Variants in DCAF17 observed in about 807,000 individuals in gnomAD.
DCAF17 encodes the protein DDB1 and CUL4 associated factor 17.
Under a neutral mutation model 66.0 loss-of-function variants are expected in DCAF17, and 48 were observed. The observed-to-expected ratio is 0.73, with a 90% CI of 0.58 to 0.92. The LOEUF is 0.92. Among genes scored for constraint, DCAF17 ranks in the 40% least tolerant of loss-of-function variants. The pLI, the probability that DCAF17 is intolerant of heterozygous loss-of-function variation, is 0.00. For synonymous variants in DCAF17, 206 were observed against 214.6 expected, an observed-to-expected ratio of 0.96 and a Z score of 0.35; for missense variants, 562 against 622.8, an observed-to-expected ratio of 0.90 and a Z score of 1.04.
rs552659232 is a variant in DCAF17, at chr2:171,472,006, C to A, written c.982-1860C>A. ...CTCCAGCCTGTGCAACAGAGTGAGACCCTGTCTCAAAAAATAAAAAATAAA... is the reference window on the plus strand; with the variant it reads ...CTCCAGCCTGTGCAACAGAGTGAGAACCTGTCTCAAAAAATAAAAAATAAA... On this transcript the variant is annotated intron_variant, in intron 9 of 13. Transcript: ENST00000375255. Among the ~76,000 whole-genome samples, 127 of 152,014 alleles carry A rather than the reference C, an allele frequency of 8.4e-4. No individual in the cohort carries two copies. In the Middle Eastern group the frequency reaches 0.02, roughly 24 times the overall value.
chr2:171,463,468 G>A (rs537635799), intron 8 of DCAF17, among the ~76,000 whole-genome samples: 1 of 152,144 alleles, frequency 6.6e-6, no homozygotes, highest in African/African-American at 2.4e-5. Flanking sequence ...TTGATAAATC[G>A]GAAGAGATAC....
At chr2:171,464,779 T>C (rs1042016942) in intron 8 of DCAF17, among the ~76,000 whole-genome samples, 1 of 152,168 alleles carries the variant, frequency 6.6e-6, no homozygotes, top group Non-Finnish European at 1.5e-5. Context: ...AATTTAGCCG[T>C]TCTTTTTTGA....
In DCAF17 at chr2:171,482,293, A is replaced by G. The variant is rs1574412092; in HGVS notation, c.*1179A>G. On this transcript the variant is annotated 3_prime_UTR_variant, in exon 14 of 14. Coordinates refer to ENST00000375255, the MANE Select transcript of DCAF17 (RefSeq NM_025000.4). ...AGGGAAGGAAACAGCAGCAACAATC[A>G]TTGCTGATTCAAGTTTAAGGTTAAA... 4.4e-6 allele frequency: 2 copies of G among 453,852 alleles called. No homozygotes were observed. The highest frequency in any genetic ancestry group is 1.4e-4 in the East Asian group (2 of 14,416). The allele number at this position is 453,852 out of a possible 1,614,324, so 28.1% of individuals were successfully genotyped here.
intron 3 of DCAF17, among the ~76,000 whole-genome samples, chr2:171,445,299 A>G (rs1346295333): frequency 6.6e-6 from 1 of 151,988 alleles, no homozygotes; most frequent in Non-Finnish European, 1.5e-5. Context: ...TAATTTTTGT[A>G]TTTTTAGTAG....
chr2:171,470,027 A>G (rs1696149537), intron 9 of DCAF17, among the ~76,000 whole-genome samples: 2 of 151,522 alleles, frequency 1.3e-5, no homozygotes, highest in South Asian at 2.1e-4. Flanking sequence ...CTTTTATTTT[A>G]TATTTATTTA....
At chr2:171,450,214 T>G (rs1347171761) in intron 5 of DCAF17, 13 of 408,078 alleles carry the variant, frequency 3.2e-5, no homozygotes, top group Non-Finnish European at 6.0e-5. Context: ...TGATACAATT[T>G]ACTCTGGAGA....
At chr2:171,445,170 G>C (rs1694543630) in intron 3 of DCAF17, among the ~76,000 whole-genome samples, 2 of 151,426 alleles carry the variant, frequency 1.3e-5, no homozygotes, top group African/African-American at 2.4e-5. Context: ...TGTTGCCCAG[G>C]CTGCAGTGCA....
In DCAF17 at chr2:171,473,970, A is replaced by G. The variant is rs1364594389; in HGVS notation, c.1086A>G (p.Gln362=). 11 of 1,611,346 alleles carry G rather than the reference A, an allele frequency of 6.8e-6. No homozygotes were observed. The highest frequency in any genetic ancestry group is 1.7e-5 in the Admixed American group (1 of 59,968). Residue 362 remains glutamine, a synonymous_variant, in exon 10 of 14, where the codon CAA becomes CAG. Coordinates refer to ENST00000375255, the MANE Select transcript of DCAF17 (RefSeq NM_025000.4). ...SGRIIHVGPN[Q]VKVLKLTEIE... Reference sequence around the variant, plus strand: ...GAATAATACATGTTGGTCCAAATCAAGTCAAGTGAGTAATCTCATTAGCAC... The same window carrying G: ...GAATAATACATGTTGGTCCAAATCAGGTCAAGTGAGTAATCTCATTAGCAC...
Position 171,458,094 on chromosome 2 carries a change from T to C in DCAF17, c.732+19T>C. ...TGAACAGGTAGAGAAAACTGAAATT[T>C]GTCATGTTACTATTAGCATGAGTTT... On this transcript the variant is annotated intron_variant, in intron 7 of 13. Transcript: ENST00000375255. The C allele has an allele frequency of 6.2e-7, 1 of 1,602,088 alleles. No homozygotes were observed.
intron 3 of DCAF17, among the ~76,000 whole-genome samples, chr2:171,446,980 A>T (rs528096266): frequency 5.3e-5 from 8 of 152,186 alleles, no homozygotes; most frequent in African/African-American, 1.9e-4. Context: ...TGTCTTTACT[A>T]TCAAGAACTC....
rs117406597 is a variant in DCAF17 at position 171,446,767 on chromosome 2, A to G, written c.322-1914A>G. ...TAAGATTTTTAAAATTGCATTGTGAATGTAACATTTTTTATCAATCCTTTA... is the reference window on the plus strand; with the variant it reads ...TAAGATTTTTAAAATTGCATTGTGAGTGTAACATTTTTTATCAATCCTTTA... On this transcript the variant is annotated intron_variant, in intron 3 of 13. Transcript: ENST00000375255. Among the ~76,000 whole-genome samples, 226 of 152,330 alleles carry G rather than the reference A, an allele frequency of 1.5e-3. 4 individuals carry two copies. In the East Asian group the frequency reaches 0.017, roughly 11 times the overall value.
Position 171,453,154 on chromosome 2 carries a change from C to T in DCAF17, c.568C>T (p.Leu190Phe). 6.2e-7 allele frequency: 1 copy of T among 1,612,964 alleles called. No individual in the cohort carries two copies. Among genetic ancestry groups the T allele is most frequent in the Non-Finnish European group, 8.5e-7 (1 of 1,179,418 alleles). ...CATTCAACAACATGTTTTGCTGTAC[C>T]TTGCAGTGTTCCGAGTTCTACCTTT... ...AGIQQHVLLY[L>F]AVFRVLPFSL... is the part of the protein sequence containing the mutation. The change falls in exon 6 of 14, where the codon CTT (leucine) becomes TTT (phenylalanine). Residue 190 changes from leucine to phenylalanine, a missense_variant. By Grantham distance (22) the Leu-to-Phe change is conservative (BLOSUM62 0). Transcript: ENST00000375255.
intron 6 of DCAF17, among the ~76,000 whole-genome samples, chr2:171,453,792 A>G (rs1245327333): frequency 2.0e-5 from 3 of 152,142 alleles, no homozygotes; most frequent in African/African-American, 7.2e-5. Context: ...TTCTTGGTGC[A>G]TAGTTATTTA....
intron 6 of DCAF17, among the ~76,000 whole-genome samples, 178 bp downstream of exon 6, chr2:171,453,391 T>G (rs2105762220): frequency 6.6e-6 from 1 of 152,338 alleles, no homozygotes; most frequent in East Asian, 1.9e-4. Context: ...CCCTTCATCT[T>G]TCTGCATGTT....
chr2:171,450,248 G>A (rs989062360), intron 5 of DCAF17, among the ~76,000 whole-genome samples: 4 of 152,190 alleles, frequency 2.6e-5, no homozygotes, highest in Non-Finnish European at 4.4e-5. Flanking sequence ...GTGGGAGGTG[G>A]GTGAGGGATG....
At chr2:171,437,513 A>G (rs926034346) in intron 2 of DCAF17, among the ~76,000 whole-genome samples, 1 of 152,088 alleles carries the variant, frequency 6.6e-6, no homozygotes, top group Non-Finnish European at 1.5e-5. Context: ...TCTTCTTTAA[A>G]TGCTTGGTGG....
rs114074462 is a variant in DCAF17 at position 171,461,650 on chromosome 2, C to G, written c.838+3173C>G. The stretch of plus-strand genomic sequence containing the variant: ...TTTTATAACTCACTTGTTAAGAAAT[C>G]AACTCTATTGAGGTATAATTTACAT... On this transcript the variant is annotated intron_variant, in intron 8 of 13. Transcript: ENST00000375255. Among the ~76,000 whole-genome samples the G allele has an allele frequency of 1.5e-3, 227 of 152,194 alleles. 4 individuals carry two copies. The East Asian group carries it at 0.016, about 11-fold the overall frequency.
chr2:171,474,315 G>GA (rs1258807354), intron 10 of DCAF17: 8 of 301,080 alleles, frequency 2.7e-5, no homozygotes, highest in African/African-American at 1.7e-4. Context: ...CTAGACACAG[G>GA]AAAGGAAGTA....
At chr2:171,467,274 G>A (rs2105791540) in intron 8 of DCAF17, among the ~76,000 whole-genome samples, 1 of 152,030 alleles carries the variant, frequency 6.6e-6, no homozygotes, top group African/African-American at 2.4e-5. Flanking sequence ...AAAAAATTAA[G>A]AAAAAGGTAC....
Sources: gnomAD v4.1 joint callset for allele counts (sites outside exome capture counted in the v4.1 genomes callset) on GRCh38, gnomAD v4.1.1 for gene constraint, MANE v1.5 for transcripts, NCBI Gene and HGNC (gene_info 2026-07-23, HGNC 2026-07-21) for gene names.